Variants in SLC2A9 observed in about 807,000 individuals in gnomAD.
The protein encoded by SLC2A9 is solute carrier family 2, facilitated glucose transporter member 9.
In SLC2A9, 39 loss-of-function variants were observed where a neutral mutation model predicts 50.6. The observed-to-expected ratio is 0.77, with a 90% CI of 0.60 to 1.01. The LOEUF (loss-of-function observed/expected upper bound fraction) is 1.01. Ranked by LOEUF, SLC2A9 falls within the 50% of genes least tolerant of loss-of-function variation. SLC2A9 has a pLI of 0.00. For synonymous variants in SLC2A9, 324 were observed against 276.9 expected, an observed-to-expected ratio of 1.17 and a Z score of -1.69; for missense variants, 686 against 677.6, an observed-to-expected ratio of 1.01 and a Z score of -0.14.
At chr4:9,844,166 TAAAA>T (rs970014171) in intron 10 of SLC2A9, among the ~76,000 whole-genome samples, 7 of 87,402 alleles carry the variant, frequency 8.0e-5, no homozygotes, top group African/African-American at 3.8e-4. Context: ...AAAATAATAA[TAAAA>T]AAAAAAAAAA....
intron 3 of SLC2A9, among the ~76,000 whole-genome samples, chr4:9,799,700 C>CCCCCA (rs1553813199): frequency 0.38 from 35,761 of 93,642 alleles, 6,853 homozygotes; most frequent in Non-Finnish European, 0.49. Context: ...GTACCCCCCC[C>CCCCCA]CCACCCAACT....
At chr4:10,032,594 A>G (rs1180243348) in intron 1 of SLC2A9, among the ~76,000 whole-genome samples, 1 of 152,170 alleles carries the variant, frequency 6.6e-6, no homozygotes, top group East Asian at 1.9e-4. Flanking sequence ...TTTGGCCCAC[A>G]TAAAAGATGA....
chr4:10,011,754 G>A (rs3756237), intron 2 of SLC2A9, among the ~76,000 whole-genome samples: 67,018 of 152,104 alleles, frequency 0.44, 16,398 homozygotes, highest in South Asian at 0.59. Context: ...AAAGGACAAA[G>A]CCTAGACAAT....
intron 5 of SLC2A9, among the ~76,000 whole-genome samples, chr4:9,968,563 C>T (rs1056026765): frequency 1.3e-5 from 2 of 152,154 alleles, no homozygotes; most frequent in African/African-American, 4.8e-5. Flanking sequence ...TACATTGTTC[C>T]ATGTAACCAG....
In SLC2A9 at chr4:9,802,256, C is replaced by T. The variant is rs1721515968; in HGVS notation, n.421-3015G>A. 2.1e-5 allele frequency among the ~76,000 whole-genome samples: 3 copies of T among 143,828 alleles called. No individual in the cohort carries two copies. The South Asian group carries it at 7.0e-4, about 33-fold the overall frequency. The allele number at this position is 143,828 out of a possible 152,430, so 94.4% of individuals were successfully genotyped here. ...ATTAAAGGGTTTGGGAGAAATGTTT[C>T]TGAAAAATGCTCTTTTTTTTTTTTT... On this transcript the variant is annotated intron_variant and non_coding_transcript_variant, in intron 3 of 3. Coordinates refer to the SLC2A9 transcript ENST00000503280.
At chr4:9,981,478 A>C (rs1755870435) in intron 4 of SLC2A9, among the ~76,000 whole-genome samples, 1 of 152,180 alleles carries the variant, frequency 6.6e-6, no homozygotes, top group Non-Finnish European at 1.5e-5. Context: ...TTCTGAATTA[A>C]ATATACTATT....
In SLC2A9 at chr4:9,910,640, C is replaced by T. The variant is rs546862312; in HGVS notation, c.1003-2295G>A. 1.6e-4 allele frequency among the ~76,000 whole-genome samples: 24 copies of T among 152,296 alleles called. No individual in the cohort carries two copies. The South Asian group carries it at 1.7e-3, about 11-fold the overall frequency. On this transcript the variant is annotated intron_variant, in intron 7 of 11. Transcript: ENST00000264784. ...GCCTGACCAGCTCATGGTCCTGAGG[C>T]TCCCAGCCCTAGGTCCCACTTAATG...
intron 11 of SLC2A9, among the ~76,000 whole-genome samples, chr4:9,832,850 CTA>C (rs1465927411): frequency 6.6e-6 from 1 of 152,160 alleles, no homozygotes; most frequent in African/African-American, 2.4e-5. Flanking sequence ...TCAGTGAACA[CTA>C]TACTAAAGTG....
At chr4:9,919,967 C>A (rs1401828106) in intron 7 of SLC2A9, among the ~76,000 whole-genome samples, 2 of 152,144 alleles carry the variant, frequency 1.3e-5, no homozygotes, top group Non-Finnish European at 2.9e-5. Flanking sequence ...TTACTTAAAG[C>A]CTTGAGGTTT....
At chr4:9,773,620 G>A (rs112735347) in intron 1 of SLC2A9, among the ~76,000 whole-genome samples, 30 of 152,308 alleles carry the variant, frequency 2.0e-4, no homozygotes, top group African/African-American at 6.0e-4. Context: ...TGAAAGGATC[G>A]TTTCCTCACT....
chr4:9,991,422 G>A (rs999630691), intron 3 of SLC2A9, among the ~76,000 whole-genome samples: 1 of 152,132 alleles, frequency 6.6e-6, no homozygotes, highest in Admixed American at 6.6e-5. Flanking sequence ...CCTCGCTCGG[G>A]CCAAGGAGAT....
At chr4:9,988,144 G>C (rs1359110976) in intron 3 of SLC2A9, among the ~76,000 whole-genome samples, 2 of 152,226 alleles carry the variant, frequency 1.3e-5, no homozygotes, top group Admixed American at 1.3e-4. Context: ...TACCACAACA[G>C]GTGAGTCAAC....
intron 10 of SLC2A9, among the ~76,000 whole-genome samples, chr4:9,845,423 A>ATTTTTTTTTTTTTTTTTTT (rs1183351674): frequency 6.1e-5 from 8 of 130,780 alleles, no homozygotes; most frequent in African/African-American, 2.2e-4. Context: ...ACGATCATCA[A>ATTTTTTTTTTTTTTTTTTT]TTTCTTTTTT....
chr4:9,974,548 C>A (rs1340037317), intron 5 of SLC2A9, among the ~76,000 whole-genome samples: 1 of 151,016 alleles, frequency 6.6e-6, no homozygotes, highest in East Asian at 1.9e-4. Flanking sequence ...AATAATTAAC[C>A]AAGGAGGTGA....
chr4:9,874,980 G>A (rs1405136820), intron 10 of SLC2A9, among the ~76,000 whole-genome samples: 3 of 140,548 alleles, frequency 2.1e-5, no homozygotes, highest in Non-Finnish European at 3.1e-5. Context: ...CTTTAGAAAT[G>A]GCCATAGGTT....
chr4:9,850,933 C>T lies in SLC2A9; in HGVS notation c.1292-15925G>A, dbSNP rs546908888. On this transcript the variant is annotated intron_variant, in intron 10 of 11. Transcript: ENST00000264784. ...AACCCTGCCCCTGCCAGTGCCCCACCCCCACTGGTGCAAGGGCTAGCACAG... is the reference window on the plus strand; with the variant it reads ...AACCCTGCCCCTGCCAGTGCCCCACTCCCACTGGTGCAAGGGCTAGCACAG... 1.5e-3 allele frequency among the ~76,000 whole-genome samples: 234 copies of T among 152,214 alleles called. 2 individuals are homozygous for T. Among genetic ancestry groups the T allele is most frequent in the African/African-American group, 5.5e-3 (228 of 41,522 alleles).
intron 3 of SLC2A9, among the ~76,000 whole-genome samples, chr4:9,799,692 A>ACCCCCCCCCCCCCCCCCCCCCCCC (rs57223650): frequency 2.9e-5 from 2 of 69,862 alleles, no homozygotes; most frequent in South Asian, 7.0e-4. Context: ...TTCCAATTGT[A>ACCCCCCCCCCCCCCCCCCCCCCCC]CCCCCCCCCC....
chr4:9,902,451 G>C (rs1006044385), intron 8 of SLC2A9, among the ~76,000 whole-genome samples: 4 of 152,198 alleles, frequency 2.6e-5, no homozygotes, highest in Non-Finnish European at 5.9e-5. Context: ...TTCTCTTCAG[G>C]AATATTAATA....
downstream of SLC2A9, among the ~76,000 whole-genome samples, chr4:9,796,359 G>GGTTC (rs1720595783): frequency 6.6e-6 from 1 of 152,152 alleles, no homozygotes; most frequent in Admixed American, 6.5e-5. Flanking sequence ...CTTGGTCTGT[G>GGTTC]GTTCTAATGA....
Sources: allele counts gnomAD v4.1 joint callset (sites outside exome capture counted in the v4.1 genomes callset), GRCh38; gene constraint gnomAD v4.1.1; transcripts MANE v1.5; gene names NCBI Gene and HGNC (gene_info 2026-07-23, HGNC 2026-07-21).